Variants in FKBP3 observed in about 807,000 individuals in gnomAD.
The protein encoded by FKBP3 is peptidyl-prolyl cis-trans isomerase FKBP3.
A neutral mutation model predicts 30.6 loss-of-function variants in FKBP3; 21 were observed. The observed-to-expected ratio is 0.69, with a 90% CI of 0.49 to 0.99. FKBP3 has a LOEUF of 0.99. FKBP3 is among the 50% of genes least tolerant of loss of function. FKBP3 has a pLI of 0.00. For missense variants in FKBP3, 283 were observed against 261.6 expected (o/e 1.08, Z -0.56); for synonymous variants, 82 against 91.3 (o/e 0.90, Z 0.58).
intron 5 of FKBP3, 32 bp from the exon 6 acceptor site, chr14:45,118,157 T>C: frequency 6.9e-7 from 1 of 1,457,098 alleles, no homozygotes. Flanking sequence ...AAACTAATGG[T>C]ATTTTGCAAA....
At chr14:45,116,465 T>TGG (rs138103531) in intron 6 of FKBP3, among the ~76,000 whole-genome samples, 5,465 of 146,650 alleles carry the variant, frequency 0.037, 170 homozygotes, top group South Asian at 0.12. Flanking sequence ...TCATTCTAGC[T>TGG]GGGGGGGGGT....
At chr14:45,124,532 TAAA>T (rs955651790) in intron 3 of FKBP3, among the ~76,000 whole-genome samples, 1 of 148,492 alleles carries the variant, frequency 6.7e-6, no homozygotes, top group Admixed American at 6.7e-5. Context: ...AACTCTGTCT[TAAA>T]AAAAAAATTA....
chr14:45,130,568 T>C (rs1053510110), intron 2 of FKBP3, 131 bp downstream of exon 2: 4 of 535,256 alleles, frequency 7.5e-6, no homozygotes, highest in Admixed American at 7.4e-5. Context: ...AGTCCACTTA[T>C]GATAACAGTT....
At chr14:45,128,515 T>C (rs1594744777) in intron 3 of FKBP3, among the ~76,000 whole-genome samples, 1 of 152,220 alleles carries the variant, frequency 6.6e-6, no homozygotes, top group Non-Finnish European at 1.5e-5. Context: ...CATGAATTTA[T>C]ACCAGGCTCA....
intron 5 of FKBP3, 111 bp from the exon 6 acceptor site, chr14:45,118,236 T>C (rs1387245929): frequency 3.2e-6 from 2 of 623,274 alleles, no homozygotes; most frequent in African/African-American, 1.9e-5. Flanking sequence ...TCTATTACTA[T>C]AGATTTCACT....
At chr14:45,130,612 T>G in intron 2 of FKBP3, 87 bp downstream of exon 2, 2 of 758,506 alleles carry the variant, frequency 2.6e-6, no homozygotes, top group Non-Finnish European at 4.2e-6. Flanking sequence ...CTCCAACACA[T>G]TCAACAAATC....
At chr14:45,125,898 A>G (rs1885085327) in intron 3 of FKBP3, among the ~76,000 whole-genome samples, 1 of 151,940 alleles carries the variant, frequency 6.6e-6, no homozygotes, top group South Asian at 2.1e-4. Context: ...GGTCAAAGAA[A>G]AAAAATTTTT....
intron 1 of FKBP3, among the ~76,000 whole-genome samples, chr14:45,134,035 C>T (rs1885294980): frequency 6.6e-6 from 1 of 152,218 alleles, no homozygotes; most frequent in Admixed American, 6.5e-5. Flanking sequence ...GGCCTCTCCG[C>T]CCTAGCCCCC....
Position 45,120,874 on chromosome 14 carries a change from A to G in FKBP3, c.522+13T>C. On this transcript the variant is annotated intron_variant, in intron 5 of 6. Transcript: ENST00000396062. Reference sequence around the variant, plus strand: ...CCAGAATATCTACTGATTCATTGGCATTCTTTACTTACTCCTCTGATAACT... The same window carrying G: ...CCAGAATATCTACTGATTCATTGGCGTTCTTTACTTACTCCTCTGATAACT... 11 of 1,604,958 alleles carry G rather than the reference A, an allele frequency of 6.9e-6. No individual in the cohort carries two copies. The highest frequency in any genetic ancestry group is 8.5e-6 in the Non-Finnish European group (10 of 1,172,248).
At chr14:45,121,444 A>G in intron 4 of FKBP3, 41 bp downstream of exon 4, 1 of 1,568,644 alleles carries the variant, frequency 6.4e-7, no homozygotes, top group Non-Finnish European at 8.7e-7. Context: ...AGTATTTAGA[A>G]TCTCTTTAAG....
At chr14:45,117,540 TAATA>T (rs1478620834) in intron 6 of FKBP3, among the ~76,000 whole-genome samples, 1 of 152,148 alleles carries the variant, frequency 6.6e-6, no homozygotes, top group Non-Finnish European at 1.5e-5. Flanking sequence ...TTAGTAGTAA[TAATA>T]AATGCTTACA....
intron 5 of FKBP3, among the ~76,000 whole-genome samples, chr14:45,118,497 G>T (rs1023356552): frequency 6.6e-6 from 1 of 152,020 alleles, no homozygotes; most frequent in East Asian, 1.9e-4. Flanking sequence ...TGGGTGCGGT[G>T]GTGGGTGCCT....
intron 1 of FKBP3, chr14:45,133,326 G>T: frequency 6.6e-6 from 2 of 305,288 alleles, no homozygotes; most frequent in South Asian, 2.3e-5. Flanking sequence ...AATTAACCTG[G>T]CGTGGTGGCA....
chr14:45,130,947 G>A, intron 1 of FKBP3, 147 bp from the exon 2 acceptor site: 1 of 483,338 alleles, frequency 2.1e-6, no homozygotes, highest in Non-Finnish European at 3.6e-6. Flanking sequence ...TATACTCTTT[G>A]TTACAAAAAA....
Position 45,128,600 on chromosome 14 carries a change from C to T in FKBP3, c.318+1194G>A, listed in dbSNP as rs909999624. On this transcript the variant is annotated intron_variant, in intron 3 of 6. Transcript: ENST00000396062. ...AAGCATGAAGACAGAGAGTAGACAACGAGGGTTAGCAAGGAAATGGACAAG... is the reference window on the plus strand; with the variant it reads ...AAGCATGAAGACAGAGAGTAGACAATGAGGGTTAGCAAGGAAATGGACAAG... Among the ~76,000 whole-genome samples the T allele has an allele frequency of 1.7e-4, 26 of 152,070 alleles. 1 individual carries two copies. The highest frequency in any genetic ancestry group is 1.2e-3 in the Admixed American group (19 of 15,252).
intron 3 of FKBP3, among the ~76,000 whole-genome samples, chr14:45,129,484 CT>C (rs1471645559): frequency 6.6e-6 from 1 of 152,212 alleles, no homozygotes; most frequent in African/African-American, 2.4e-5. Flanking sequence ...CTTAGTCCAA[CT>C]TGGCTATAGA....
intron 1 of FKBP3, chr14:45,131,012 A>C (rs1425050583): frequency 2.2e-6 from 1 of 447,792 alleles, no homozygotes. Context: ...CAAGACTGCA[A>C]CTGTAGTGTT....
chr14:45,117,982 CG>C (rs754669941), intron 6 of FKBP3, 45 bp downstream of exon 6: 14 of 1,202,016 alleles, frequency 1.2e-5, no homozygotes, highest in Admixed American at 1.0e-4. Flanking sequence ...GTGATCTAGA[CG>C]TTTTTTTTTT....
chr14:45,123,602 CTTTTTTTTTTTTTTT>C (rs200242313), intron 3 of FKBP3, among the ~76,000 whole-genome samples: 28 of 84,308 alleles, frequency 3.3e-4, no homozygotes, highest in Admixed American at 2.9e-3. Flanking sequence ...CTCTCTACTC[CTTTTTTTTTTTTTTT>C]TTTTTTTTTT....
Sources: allele counts gnomAD v4.1 joint callset (sites outside exome capture counted in the v4.1 genomes callset), GRCh38; gene constraint gnomAD v4.1.1; transcripts MANE v1.5; gene names NCBI Gene and HGNC (gene_info 2026-07-23, HGNC 2026-07-21).